The following GPC6 variants were observed in gnomAD, a reference collection of about 807,000 sequenced individuals.
GPC6 encodes glypican 6.
In GPC6, 14 loss-of-function variants were observed where a neutral mutation model predicts 55.2. The ratio of observed to expected loss-of-function variants is 0.25; its 90% CI spans 0.17 to 0.40. The LOEUF (loss-of-function observed/expected upper bound fraction) is 0.40, where lower values mean the gene tolerates loss of function less well. Among genes scored for constraint, GPC6 ranks in the 10% least tolerant of loss-of-function variants. The pLI, the probability that GPC6 is intolerant of heterozygous loss-of-function variation, is 1.00. For synonymous variants in GPC6, 278 were observed against 259.6 expected, an observed-to-expected ratio of 1.07 and a Z score of -0.68; for missense variants, 641 against 708.5, an observed-to-expected ratio of 0.90 and a Z score of 1.08.
intron 5 of GPC6, among the ~76,000 whole-genome samples, chr13:94,287,649 A>G (rs1892566972): frequency 6.6e-6 from 1 of 152,128 alleles, no homozygotes; most frequent in African/African-American, 2.4e-5. Flanking sequence ...TAGCCTGTGT[A>G]AAGGAGGATG....
chr13:94,006,626 A>G (rs1882031073), intron 3 of GPC6, among the ~76,000 whole-genome samples: 1 of 152,156 alleles, frequency 6.6e-6, no homozygotes, highest in African/African-American at 2.4e-5. Context: ...TTAGCATTCA[A>G]AGTGGAGTCA....
intron 1 of GPC6, among the ~76,000 whole-genome samples, chr13:93,349,427 G>C (rs1442719917): frequency 6.6e-6 from 1 of 152,120 alleles, no homozygotes; most frequent in East Asian, 1.9e-4. Flanking sequence ...TTCTTCCTCT[G>C]CAGGCTACAC....
intron 1 of GPC6, among the ~76,000 whole-genome samples, chr13:93,429,708 C>T (rs537495660): frequency 2.0e-5 from 3 of 152,170 alleles, no homozygotes; most frequent in East Asian, 1.9e-4. Context: ...TAGTTGAATT[C>T]GCAGTATTAT....
chr13:94,318,962 C>A (rs1876682590), intron 6 of GPC6, among the ~76,000 whole-genome samples: 1 of 151,960 alleles, frequency 6.6e-6, no homozygotes, highest in East Asian at 1.9e-4. Context: ...CATTTCTGAA[C>A]CCTTATGTTT....
intron 4 of GPC6, among the ~76,000 whole-genome samples, chr13:94,109,946 A>G (rs914659161): frequency 8.6e-5 from 13 of 151,038 alleles, no homozygotes; most frequent in African/African-American, 3.2e-4. Flanking sequence ...CATGTGCTTG[A>G]TGGATATATT....
intron 1 of GPC6, among the ~76,000 whole-genome samples, chr13:93,422,702 T>C (rs1165835697): frequency 6.6e-6 from 1 of 152,186 alleles, no homozygotes; most frequent in Non-Finnish European, 1.5e-5. Flanking sequence ...TTTAGGGTGA[T>C]ACTTAACTGG....
At chr13:93,455,938 A>G (rs181442364) in intron 1 of GPC6, among the ~76,000 whole-genome samples, 1 of 152,356 alleles carries the variant, frequency 6.6e-6, no homozygotes, top group Non-Finnish European at 1.5e-5. Flanking sequence ...GTCTTGTAAA[A>G]TAAAGTTCTC....
In GPC6 at chr13:93,930,754, A is replaced by T; in HGVS notation, c.712-96975A>T. ...CACACAAAGAATGGACAGATTTAAG[A>T]TGGGCACAGAGTATATAAGTCCATT... On this transcript the variant is annotated intron_variant, in intron 3 of 8. Coordinates refer to ENST00000377047, the MANE Select transcript of GPC6 (RefSeq NM_005708.5). 1.3e-5 allele frequency among the ~76,000 whole-genome samples: 2 copies of T among 152,082 alleles called. 1 individual carries two copies.
At chr13:94,246,409 T>C (rs1029354058) in intron 4 of GPC6, among the ~76,000 whole-genome samples, 5 of 152,122 alleles carry the variant, frequency 3.3e-5, no homozygotes, top group Non-Finnish European at 5.9e-5. Flanking sequence ...AAGATTTTGG[T>C]GTGACATTCA....
At chr13:93,651,776 T>A (rs980947179) in intron 2 of GPC6, among the ~76,000 whole-genome samples, 6 of 152,046 alleles carry the variant, frequency 3.9e-5, no homozygotes, top group Admixed American at 3.9e-4. Flanking sequence ...GCCTGCAAAC[T>A]AAGGCCTAAA....
At chr13:93,622,634 G>C (rs1314149126) in intron 2 of GPC6, among the ~76,000 whole-genome samples, 3 of 151,920 alleles carry the variant, frequency 2.0e-5, no homozygotes, top group Non-Finnish European at 4.4e-5. Context: ...TATTTTAATT[G>C]ACATGTAATA....
chr13:93,813,194 A>T (rs908910924), intron 2 of GPC6, among the ~76,000 whole-genome samples: 1 of 152,128 alleles, frequency 6.6e-6, no homozygotes, highest in African/African-American at 2.4e-5. Flanking sequence ...AAATGGAATG[A>T]TTCATAAGGT....
intron 2 of GPC6, among the ~76,000 whole-genome samples, chr13:93,772,270 T>C (rs1471894019): frequency 6.6e-6 from 1 of 152,144 alleles, no homozygotes; most frequent in South Asian, 2.1e-4. Flanking sequence ...ATTGGTTAGG[T>C]TTACAGATGT....
chr13:93,774,728 C>T (rs1221585818), intron 2 of GPC6, among the ~76,000 whole-genome samples: 2 of 152,118 alleles, frequency 1.3e-5, no homozygotes, highest in East Asian at 3.9e-4. Context: ...TGAGACATAT[C>T]CTGTTCTGGG....
intron 3 of GPC6, among the ~76,000 whole-genome samples, chr13:93,944,019 C>T (rs1878865167): frequency 6.6e-6 from 1 of 152,136 alleles, no homozygotes; most frequent in Admixed American, 6.6e-5. Context: ...CTGGGGGGTT[C>T]TCTGAAGCAC....
At chr13:94,303,717 T>A (rs1367240272) in intron 5 of GPC6, among the ~76,000 whole-genome samples, 4 of 146,800 alleles carry the variant, frequency 2.7e-5, no homozygotes, top group African/African-American at 1.0e-4. Context: ...AACAGAAAGC[T>A]ACTAGGCTAT....
At chr13:94,088,099 A>G (rs1885352363) in intron 4 of GPC6, among the ~76,000 whole-genome samples, 1 of 152,146 alleles carries the variant, frequency 6.6e-6, no homozygotes, top group Admixed American at 6.5e-5. Flanking sequence ...GACAGGATCA[A>G]TTTCATAACC....
intron 4 of GPC6, among the ~76,000 whole-genome samples, chr13:94,215,269 A>G (rs529000748): frequency 6.6e-6 from 1 of 152,284 alleles, no homozygotes; most frequent in Admixed American, 6.5e-5. Flanking sequence ...TCTTGTGAAA[A>G]TAAAGGGCTT....
intron 3 of GPC6, among the ~76,000 whole-genome samples, chr13:93,957,102 A>C (rs1158466661): frequency 7.2e-5 from 11 of 152,174 alleles, no homozygotes; most frequent in Admixed American, 6.5e-4. Context: ...GGATGAGAAC[A>C]GTGTGTCCTC....
Sources: allele counts gnomAD v4.1 joint callset (sites outside exome capture counted in the v4.1 genomes callset), GRCh38; gene constraint gnomAD v4.1.1; transcripts MANE v1.5; gene names NCBI Gene and HGNC (gene_info 2026-07-23, HGNC 2026-07-21).